ZNF100: variants seen among roughly 807,000 people sequenced by gnomAD.
ZNF100 encodes the protein zinc finger protein 100 (Y1).
Under a neutral mutation model 15.8 loss-of-function variants are expected in ZNF100, and 12 were observed. The ratio of observed to expected loss-of-function variants is 0.76; its 90% CI spans 0.49 to 1.23. ZNF100 has a LOEUF of 1.23. Among genes scored for constraint, ZNF100 ranks in the 50% most tolerant of loss-of-function variants. The pLI is 0.00. For synonymous variants in ZNF100, 226 were observed against 214.8 expected (o/e 1.05, Z -0.45); for missense variants, 670 against 635.6 (o/e 1.05, Z -0.58).
In ZNF100 at chr19:21,726,851, A is replaced by G. The variant is rs2035798962; in HGVS notation, c.1461T>C (p.Cys487=). ...MIHTGEKPYK[C]EECGKAFNRS... is the part of the protein sequence containing the mutation. ...GGTTAAAAGCTTTGCCACATTCCTC[A>G]CATTTGTAGGGTTTCTCTCCAGTAT... The change falls in exon 5 of 5, where the codon TGT becomes TGC. Residue 487 remains cysteine, a synonymous_variant. Coordinates refer to ENST00000358296, the MANE Select transcript of ZNF100 (RefSeq NM_173531.4). 3 of 1,613,310 alleles carry G rather than the reference A, an allele frequency of 1.9e-6. No individual in the cohort carries two copies. The highest frequency in any genetic ancestry group is 1.1e-5 in the South Asian group (1 of 90,870).
chr19:21,727,195 A>T lies in ZNF100; in HGVS notation c.1117T>A (p.Tyr373Asn), dbSNP rs1212744803. 6.2e-7 allele frequency: 1 copy of T among 1,613,818 alleles called. No individual in the cohort carries two copies. The highest frequency in any genetic ancestry group is 1.1e-5 in the South Asian group (1 of 91,068). The change falls in exon 5 of 5, where the codon TAC becomes AAC. Residue 373 changes from tyrosine (Y) to asparagine (N), a missense_variant. Tyr to Asn is a moderately radical substitution (Grantham distance 143). Transcript: ENST00000358296. Reference protein sequence around the residue: ...HKITHAGEKPYKCEECGKAFY... With the variant: ...HKITHAGEKPNKCEECGKAFY... ...GCTTTGCCACATTCTTCACATTTGT[A>T]AGGTTTCTCTCCAGCATGAGTTATC...
chr19:21,728,027 A>AGACACG lies in ZNF100; in HGVS notation c.323-39_323-38insCGTGTC, dbSNP rs553424151. The AGACACG allele has an allele frequency of 6.9e-3, 9,947 of 1,438,824 alleles. 38 individuals carry two copies. The highest frequency in any genetic ancestry group is 8.0e-3 in the Non-Finnish European group (8,731 of 1,097,684). The allele number at this position is 1,438,824 out of a possible 1,614,324, so 89.1% of individuals were successfully genotyped here. On this transcript the variant is annotated intron_variant, in intron 4 of 4. Transcript: ENST00000358296. Reference sequence around the variant, plus strand: ...AAAATAACAAATTACTTTACTTACTAGACACAGATAGTTTACAAATCTAAC... The same window carrying AGACACG: ...AAAATAACAAATTACTTTACTTACTAGACACGGACACAGATAGTTTACAAATCTAAC...
rs2036517875 is a variant in ZNF100, at chr19:21,763,747, TA to T, written c.96+1946del. ...CTTCAGGGTAAAACATTCTCTAATC[TA>T]AAATCTAACCTTTTCAATCTCCAAC... On this transcript the variant is annotated intron_variant, in intron 2 of 4. Coordinates refer to ENST00000358296, the MANE Select transcript of ZNF100 (RefSeq NM_173531.4). Among the ~76,000 whole-genome samples the T allele has an allele frequency of 1.3e-5, 2 of 152,120 alleles. 1 individual carries two copies. The highest frequency in any genetic ancestry group is 4.2e-4 in the South Asian group (2 of 4,818).
Position 21,726,627 on chromosome 19 carries a change from G to C in ZNF100, c.*56C>G, listed in dbSNP as rs879243721. The stretch of plus-strand genomic sequence containing the variant: ...CAGTCACAGGAGTTCCCTCCAGTAT[G>C]AATTTTTTTATGTTTAGTAAGAGTT... On this transcript the variant is annotated 3_prime_UTR_variant, in exon 5 of 5. Coordinates refer to ENST00000358296, the MANE Select transcript of ZNF100 (RefSeq NM_173531.4). The C allele has an allele frequency of 6.7e-7, 1 of 1,486,694 alleles. No homozygotes were observed. Among genetic ancestry groups the C allele is most frequent in the South Asian group, 1.3e-5 (1 of 75,886 alleles). The allele number at this position is 1,486,694 out of a possible 1,614,324, so 92.1% of individuals were successfully genotyped here.
intron 2 of ZNF100, among the ~76,000 whole-genome samples, chr19:21,758,919 G>T (rs1443216433): frequency 6.6e-6 from 1 of 152,102 alleles, no homozygotes; most frequent in African/African-American, 2.4e-5. Context: ...CCCACTCCAA[G>T]ACACCAAGAG....
At chr19:21,735,345 T>A (rs1401107578) in intron 4 of ZNF100, among the ~76,000 whole-genome samples, 2 of 151,838 alleles carry the variant, frequency 1.3e-5, no homozygotes, top group Non-Finnish European at 2.9e-5. Flanking sequence ...ATACAAAAAA[T>A]TAGCAGGGCG....
At chr19:21,740,638 T>C (rs1304435210) in intron 4 of ZNF100, among the ~76,000 whole-genome samples, 2 of 152,190 alleles carry the variant, frequency 1.3e-5, no homozygotes, top group Non-Finnish European at 1.5e-5. Flanking sequence ...GCGGATCACC[T>C]GAGGTCAGGA....
Position 21,726,596 on chromosome 19 carries a change from T to C in ZNF100, c.*87A>G. ...GAATTTATTAAAGGCTTTGCCATAT[T>C]CTTCACAGTCACAGGAGTTCCCTCC... On this transcript the variant is annotated 3_prime_UTR_variant, in exon 5 of 5. Transcript: ENST00000358296. 8.3e-7 allele frequency: 1 copy of C among 1,199,416 alleles called. No homozygotes were observed. Among genetic ancestry groups the C allele is most frequent in the Non-Finnish European group, 1.2e-6 (1 of 852,650 alleles). 74.3% of individuals were successfully genotyped at this position (1,199,416 alleles called of 1,614,324 possible).
Position 21,751,014 on chromosome 19 carries a change from G to A in ZNF100, c.97-5947C>T, listed in dbSNP as rs531516944. The stretch of plus-strand genomic sequence containing the variant: ...GAGCCTACCAGTTGGATTTCGCAGC[G>A]GGCGAGGGCCACCACCTGCAGCACA... On this transcript the variant is annotated intron_variant, in intron 2 of 4. Coordinates refer to ENST00000358296, the MANE Select transcript of ZNF100 (RefSeq NM_173531.4). 1.1e-3 allele frequency: 1,416 copies of A among 1,261,638 alleles called. 1 individual carries two copies. Among genetic ancestry groups the A allele is most frequent in the Middle Eastern group, 2.2e-3 (8 of 3,688 alleles). The allele number at this position is 1,261,638 out of a possible 1,614,324, so 78.2% of individuals were successfully genotyped here. A position where few individuals can be genotyped will look rare whatever the true frequency, so the allele number is the denominator to read the frequency against.
chr19:21,738,188 T>G (rs1228469183), intron 4 of ZNF100, among the ~76,000 whole-genome samples: 1 of 125,004 alleles, frequency 8.0e-6, no homozygotes, highest in Non-Finnish European at 1.6e-5. Context: ...GAGGTGGAGG[T>G]TGCAATGAGC....
intron 3 of ZNF100, among the ~76,000 whole-genome samples, chr19:21,744,693 T>C (rs1244283092): frequency 1.3e-5 from 2 of 152,078 alleles, no homozygotes; most frequent in Admixed American, 6.5e-5. Context: ...AACAATATTT[T>C]ATGACACTAA....
chr19:21,750,695 G>C, intron 2 of ZNF100: 1 of 259,388 alleles, frequency 3.9e-6, no homozygotes, highest in Non-Finnish European at 7.2e-6. Context: ...GGCGGGTCGC[G>C]GGGTGGGCGG....
chr19:21,742,380 T>TC (rs201694546), intron 4 of ZNF100, among the ~76,000 whole-genome samples: 13 of 143,384 alleles, frequency 9.1e-5, no homozygotes, highest in South Asian at 2.3e-4. Flanking sequence ...CTTTTTCTTT[T>TC]TTTTTTTTTT....
intron 2 of ZNF100, among the ~76,000 whole-genome samples, chr19:21,747,197 C>A (rs2036226916): frequency 6.6e-6 from 1 of 152,178 alleles, no homozygotes; most frequent in Non-Finnish European, 1.5e-5. Context: ...ATCGTAACCA[C>A]CCTTTAGTGC....
chr19:21,726,468 TTA>T lies in ZNF100; in HGVS notation c.*213_*214del, dbSNP rs1452817637. 9.7e-6 allele frequency: 5 copies of T among 517,978 alleles called. No homozygotes were observed. Among genetic ancestry groups the T allele is most frequent in the Admixed American group, 7.1e-5 (2 of 28,006 alleles). The allele number at this position is 517,978 out of a possible 1,614,324, so 32.1% of individuals were successfully genotyped here. On this transcript the variant is annotated 3_prime_UTR_variant, in exon 5 of 5. Transcript: ENST00000358296. ...TTCTAGGATTTCTCAACACTATGAT[TTA>T]TGTTTTGAAAAGTTTGAGGTGTTTT...
intron 4 of ZNF100, among the ~76,000 whole-genome samples, chr19:21,731,318 T>A (rs1258915659): frequency 6.7e-6 from 1 of 149,442 alleles, no homozygotes; most frequent in Non-Finnish European, 1.5e-5. Flanking sequence ...TTTTTATTTT[T>A]TATTTTTTGA....
At chr19:21,760,342 A>C (rs1302448265) in intron 2 of ZNF100, among the ~76,000 whole-genome samples, 1 of 151,964 alleles carries the variant, frequency 6.6e-6, no homozygotes, top group Non-Finnish European at 1.5e-5. Context: ...AAAATACAAA[A>C]CTTAGCCCTG....
chr19:21,732,623 AAT>A (rs551357705), intron 4 of ZNF100, among the ~76,000 whole-genome samples: 10 of 148,596 alleles, frequency 6.7e-5, no homozygotes, highest in African/African-American at 1.7e-4. Flanking sequence ...CACAATATAA[AAT>A]ATATATATAT....
intron 2 of ZNF100, chr19:21,753,220 T>G (rs1380722042): frequency 6.6e-6 from 1 of 152,100 alleles, no homozygotes; most frequent in Non-Finnish European, 1.5e-5. Context: ...AAATAGCTAC[T>G]GCACTTCAAC....
Sources: gnomAD v4.1 joint callset for allele counts (sites outside exome capture counted in the v4.1 genomes callset) on GRCh38, gnomAD v4.1.1 for gene constraint, MANE v1.5 for transcripts, NCBI Gene and HGNC (gene_info 2026-07-23, HGNC 2026-07-21) for gene names.